The following GPC6 variants were observed in gnomAD, a reference collection of about 807,000 sequenced individuals.
The protein encoded by GPC6 is glypican-6.
A neutral mutation model predicts 55.2 loss-of-function variants in GPC6; 14 were observed. That is an observed-to-expected ratio of 0.25 (90% CI 0.17 to 0.40). GPC6 has a LOEUF of 0.40. Among genes scored for constraint, GPC6 ranks in the 10% least tolerant of loss-of-function variants. The probability of loss-of-function intolerance (pLI) is 1.00; values close to 1 mark genes in which losing one functional copy is unlikely to be tolerated. For missense variants in GPC6, 641 were observed against 708.5 expected (o/e 0.90, Z 1.08); for synonymous variants, 278 against 259.6 (o/e 1.07, Z -0.68).
intron 1 of GPC6, among the ~76,000 whole-genome samples, chr13:93,417,267 A>T (rs1876734207): frequency 6.6e-6 from 1 of 152,066 alleles, no homozygotes; most frequent in Non-Finnish European, 1.5e-5. Context: ...TTTTAGTGAC[A>T]TAGCCTTGGA....
In GPC6 at chr13:94,398,641, A is replaced by G; in HGVS notation, c.1465A>G (p.Ser489Gly). Residue 489 changes from serine to glycine, a missense_variant and splice_region_variant, in exon 8 of 9, where the codon AGT (serine) becomes GGT (glycine). Transcript: ENST00000377047. ...NGNDVNFQDT[S>G]DESSGSGSGS... ...CAATGATGTCAATTTCCAGGACACAAGTAAGAAAATCCTTCCCAGCACCAG... is the reference window on the plus strand; with the variant it reads ...CAATGATGTCAATTTCCAGGACACAGGTAAGAAAATCCTTCCCAGCACCAG... 3 of 1,613,902 alleles carry G rather than the reference A, an allele frequency of 1.9e-6. No homozygotes were observed. Among genetic ancestry groups the G allele is most frequent in the Non-Finnish European group, 2.5e-6 (3 of 1,179,778 alleles).
chr13:93,349,677 C>T (rs1001333913), intron 1 of GPC6, among the ~76,000 whole-genome samples: 11 of 152,120 alleles, frequency 7.2e-5, no homozygotes, highest in African/African-American at 2.7e-4. Context: ...CTTCTTCACT[C>T]TACATAGAAA....
chr13:93,224,906 G>A (rs1875716630), upstream of GPC6, among the ~76,000 whole-genome samples: 1 of 152,160 alleles, frequency 6.6e-6, no homozygotes, highest in Non-Finnish European at 1.5e-5. Context: ...AATCTATTTA[G>A]TCATTCGTCT....
At chr13:93,815,539 G>T (rs1279809503) in intron 2 of GPC6, among the ~76,000 whole-genome samples, 6 of 152,040 alleles carry the variant, frequency 3.9e-5, no homozygotes, top group Non-Finnish European at 5.9e-5. Flanking sequence ...AAAGATGATT[G>T]TTTTTTGTTT....
At chr13:93,874,529 A>T (rs1889228447) in intron 3 of GPC6, among the ~76,000 whole-genome samples, 1 of 150,908 alleles carries the variant, frequency 6.6e-6, no homozygotes, top group African/African-American at 2.4e-5. Flanking sequence ...GCATCAGGTC[A>T]TGACACTGTA....
At chr13:93,853,513 A>G (rs1888487275) in intron 3 of GPC6, among the ~76,000 whole-genome samples, 1 of 151,668 alleles carries the variant, frequency 6.6e-6, no homozygotes, top group Non-Finnish European at 1.5e-5. Flanking sequence ...ACCGTTCTAT[A>G]TAATGCCTTA....
At chr13:94,023,697 C>T (rs968802311) in intron 3 of GPC6, among the ~76,000 whole-genome samples, 3 of 151,928 alleles carry the variant, frequency 2.0e-5, no homozygotes, top group Non-Finnish European at 4.4e-5. Flanking sequence ...CAACTTTATT[C>T]CTAATAAGAA....
intron 2 of GPC6, among the ~76,000 whole-genome samples, chr13:93,719,853 G>A (rs1883390093): frequency 6.6e-6 from 1 of 152,054 alleles, no homozygotes; most frequent in Non-Finnish European, 1.5e-5. Context: ...TGTGGTTTTT[G>A]TCATTGGTTC....
intron 4 of GPC6, among the ~76,000 whole-genome samples, chr13:94,028,218 T>C (rs1882978304): frequency 6.6e-6 from 1 of 152,108 alleles, no homozygotes; most frequent in African/African-American, 2.4e-5. Flanking sequence ...TGAGCTGTGA[T>C]TGCGCCACTG....
intron 2 of GPC6, among the ~76,000 whole-genome samples, chr13:93,621,976 G>GTT (rs1878971746): frequency 6.6e-6 from 1 of 151,954 alleles, no homozygotes; most frequent in African/African-American, 2.4e-5. Flanking sequence ...CTAACTGTAT[G>GTT]TTTGTACCCA....
chr13:94,238,299 T>G (rs1469613266), intron 4 of GPC6, among the ~76,000 whole-genome samples: 20 of 152,046 alleles, frequency 1.3e-4, no homozygotes, highest in Admixed American at 1.3e-3. Flanking sequence ...AGGTCAAGGG[T>G]CTGGATGAGA....
At chr13:93,251,692 T>G (rs1248207372) in intron 1 of GPC6, among the ~76,000 whole-genome samples, 1 of 152,140 alleles carries the variant, frequency 6.6e-6, no homozygotes, top group Non-Finnish European at 1.5e-5. Flanking sequence ...TTTTCCCCAT[T>G]CCTTCATGAC....
chr13:93,319,333 A>G (rs905112421), intron 1 of GPC6, among the ~76,000 whole-genome samples: 8 of 152,182 alleles, frequency 5.3e-5, no homozygotes, highest in African/African-American at 1.9e-4. Flanking sequence ...CAAGAAATAA[A>G]TAGGCCACAA....
intron 2 of GPC6, among the ~76,000 whole-genome samples, chr13:93,769,261 A>C (rs950900652): frequency 1.3e-5 from 2 of 152,174 alleles, no homozygotes; most frequent in Non-Finnish European, 2.9e-5. Flanking sequence ...GAGCAAAGTA[A>C]TATTCTTGCC....
chr13:93,524,927 A>T (rs1211211104), intron 1 of GPC6, among the ~76,000 whole-genome samples: 1 of 152,086 alleles, frequency 6.6e-6, no homozygotes, highest in Non-Finnish European at 1.5e-5. Flanking sequence ...TCTGCGGGAG[A>T]TCTTCTTCAG....
intron 3 of GPC6, among the ~76,000 whole-genome samples, chr13:93,881,553 G>T: frequency 6.6e-6 from 1 of 152,016 alleles, no homozygotes; most frequent in East Asian, 1.9e-4. Context: ...ATTACTTGGA[G>T]TCAAGATCTG....
At chr13:93,965,405 C>T (rs994195066) in intron 3 of GPC6, among the ~76,000 whole-genome samples, 5 of 151,892 alleles carry the variant, frequency 3.3e-5, no homozygotes, top group Admixed American at 1.3e-4. Flanking sequence ...AGCAAGACTC[C>T]ATCTCAAATA....
chr13:93,673,085 A>C (rs1410415008), intron 2 of GPC6, among the ~76,000 whole-genome samples: 1 of 152,174 alleles, frequency 6.6e-6, no homozygotes, highest in African/African-American at 2.4e-5. Context: ...TAGCACATAG[A>C]CTGAAAAGTT....
chr13:93,914,509 G>C (rs1287962368), intron 3 of GPC6, among the ~76,000 whole-genome samples: 3 of 152,150 alleles, frequency 2.0e-5, no homozygotes, highest in Non-Finnish European at 4.4e-5. Context: ...GCTACACTCT[G>C]TGGTAGCTAT....
Sources: gnomAD v4.1 joint callset for allele counts (sites outside exome capture counted in the v4.1 genomes callset) on GRCh38, gnomAD v4.1.1 for gene constraint, MANE v1.5 for transcripts, NCBI Gene and HGNC (gene_info 2026-07-23, HGNC 2026-07-21) for gene names.